Variants in PGLS observed in about 807,000 individuals in gnomAD.
PGLS encodes 6-phosphogluconolactonase.
A neutral mutation model predicts 23.2 loss-of-function variants in PGLS; 21 were observed. The observed-to-expected ratio is 0.91, with a 90% confidence interval of 0.64 to 1.31. The LOEUF (loss-of-function observed/expected upper bound fraction) is 1.31. Ranked by LOEUF, PGLS falls within the 50% of genes most tolerant of loss-of-function variation. The pLI is 0.00. For synonymous variants in PGLS, 179 were observed against 165.4 expected, an observed-to-expected ratio of 1.08 and a Z score of -0.63; for missense variants, 410 against 354.0, an observed-to-expected ratio of 1.16 and a Z score of -1.27.
Position 17,517,760 on chromosome 19 carries a change from A to G in PGLS, c.549A>G (p.Pro183=). ...APISDSPKPP[P]QRVTLTLPVL... ...TCAGTGACTCCCCGAAGCCACCGCCACAGCGTGTGACCCTCACACTACCTG... is the reference window on the plus strand; with the variant it reads ...TCAGTGACTCCCCGAAGCCACCGCCGCAGCGTGTGACCCTCACACTACCTG... The change falls in exon 4 of 5, where the codon CCA becomes CCG. Residue 183 remains proline (P), a synonymous_variant. Transcript: ENST00000252603. 1 of 1,614,116 alleles carries G rather than the reference A, an allele frequency of 6.2e-7. No individual in the cohort carries two copies. The highest frequency in any genetic ancestry group is 2.2e-5 in the East Asian group (1 of 44,882).
chr19:17,511,785 G>T lies in PGLS; in HGVS notation c.113G>T (p.Arg38Leu), dbSNP rs778753076. The change falls in exon 1 of 5, where the codon CGC becomes CTC. Residue 38 changes from arginine (R) to leucine (L), a missense_variant. Arg to Leu is a moderately radical substitution (Grantham distance 102, BLOSUM62 -2). Transcript: ENST00000252603. ...GCAGCATGCTGCCTGGCAGGGGCCC[G>T]CGCCCGTTTCGCGCTCGGCCTGTCG... is the stretch of plus-strand genomic sequence containing the variant. ...QRAACCLAGARARFALGLSGG... is the reference protein window; with the variant it reads ...QRAACCLAGALARFALGLSGG... The T allele has an allele frequency of 4.0e-6, 6 of 1,497,220 alleles. No individual in the cohort carries two copies. The highest frequency in any genetic ancestry group is 5.3e-6 in the Non-Finnish European group (6 of 1,129,984). 92.7% of individuals were successfully genotyped at this position (1,497,220 alleles called of 1,614,324 possible).
intron 1 of PGLS, among the ~76,000 whole-genome samples, chr19:17,514,328 T>C (rs962925806): frequency 6.6e-6 from 1 of 152,134 alleles, no homozygotes; most frequent in African/African-American, 2.4e-5. Flanking sequence ...TCATCTTATA[T>C]AAGGACGCCA....
intron 2 of PGLS, 55 bp downstream of exon 2, chr19:17,516,335 C>T (rs757279357): frequency 1.9e-5 from 30 of 1,573,030 alleles, no homozygotes; most frequent in Non-Finnish European, 2.4e-5. Flanking sequence ...GGCCACACCC[C>T]GGGCAACAGA....
chr19:17,516,582 T>C, intron 2 of PGLS: 2 of 970,796 alleles, frequency 2.1e-6, no homozygotes, highest in Non-Finnish European at 2.6e-6. Flanking sequence ...TACTTGTATT[T>C]CTTTTTTTTT....
At chr19:17,512,041 G>T (rs1401098925) in intron 1 of PGLS, 81 bp downstream of exon 1, 1 of 1,402,792 alleles carries the variant, frequency 7.1e-7, no homozygotes, top group Non-Finnish European at 9.4e-7. Flanking sequence ...AGGCCGCCGG[G>T]GGCCATGCCG....
Position 17,511,813 on chromosome 19 carries a change from C to A in PGLS, c.141C>A (p.Gly47=). Residue 47 remains glycine (G), a synonymous_variant, in exon 1 of 5, where the codon GGC becomes GGA. Coordinates refer to ENST00000252603, the MANE Select transcript of PGLS (RefSeq NM_012088.3). ...ARARFALGLS[G]GSLVSMLARE... The stretch of plus-strand genomic sequence containing the variant: ...CCCGTTTCGCGCTCGGCCTGTCGGG[C>A]GGGAGCCTCGTCTCGATGCTAGCCC... The A allele has an allele frequency of 6.6e-7, 1 of 1,510,904 alleles. No homozygotes were observed. Among genetic ancestry groups the A allele is most frequent in the Non-Finnish European group, 8.8e-7 (1 of 1,134,268 alleles). 93.6% of individuals were successfully genotyped at this position (1,510,904 alleles called of 1,614,324 possible).
At position 17,511,944 on chromosome 19, in the gene PGLS, C is replaced by G; in HGVS notation, c.272C>G (p.Thr91Arg). 1 of 1,550,074 alleles carries G rather than the reference C, an allele frequency of 6.5e-7. No individual in the cohort carries two copies. The highest frequency in any genetic ancestry group is 1.2e-5 in the South Asian group (1 of 84,346). ...RLVPFDHAES[T>R]YGLYRTHLLS... ...GTGCCCTTCGATCACGCCGAGAGCA[C>G]GTACGGCCTCTACCGGGTGAGAGCT... is the stretch of plus-strand genomic sequence containing the variant. The change falls in exon 1 of 5, where the codon ACG becomes AGG. Residue 91 changes from threonine to arginine, a missense_variant. Coordinates refer to ENST00000252603, the MANE Select transcript of PGLS (RefSeq NM_012088.3).
chr19:17,517,666 G>T, intron 3 of PGLS, 44 bp from the exon 4 acceptor site: 1 of 1,609,990 alleles, frequency 6.2e-7, no homozygotes, highest in East Asian at 2.2e-5. Flanking sequence ...AGAAGCTGAA[G>T]TGACATTGTC....
At chr19:17,512,024 G>T in intron 1 of PGLS, 64 bp downstream of exon 1, 1 of 1,454,774 alleles carries the variant, frequency 6.9e-7, no homozygotes, top group Non-Finnish European at 9.1e-7. Context: ...CTACACCCCG[G>T]CTACGGAGGC....
intron 4 of PGLS, among the ~76,000 whole-genome samples, chr19:17,519,406 G>A (rs2075547438): frequency 6.6e-6 from 1 of 151,648 alleles, no homozygotes; most frequent in African/African-American, 2.4e-5. Context: ...TGTTTTGTTT[G>A]TTTGTTTTTT....
chr19:17,520,084 T>C lies in PGLS; in HGVS notation c.640-860T>C, dbSNP rs574666253. ...AAGAGGATCACTTGAGCCTCAGAGA[T>C]TGAGGCTGCAGTGAGCCTTGATGCC... On this transcript the variant is annotated intron_variant, in intron 4 of 4. Transcript: ENST00000252603. 1.4e-3 allele frequency among the ~76,000 whole-genome samples: 213 copies of C among 152,202 alleles called. 1 individual carries two copies. The highest frequency in any genetic ancestry group is 4.8e-3 in the African/African-American group (201 of 41,538).
At chr19:17,515,563 C>T (rs1221722351) in intron 1 of PGLS, among the ~76,000 whole-genome samples, 1 of 152,130 alleles carries the variant, frequency 6.6e-6, no homozygotes, top group African/African-American at 2.4e-5. Flanking sequence ...GCCCCCACTC[C>T]CTGTAGTGGG....
chr19:17,516,802 T>C (rs1431328823), intron 2 of PGLS, among the ~76,000 whole-genome samples: 3 of 151,330 alleles, frequency 2.0e-5, no homozygotes, highest in Non-Finnish European at 4.4e-5. Flanking sequence ...TTAGCCAGGA[T>C]GGTCTCGATC....
At chr19:17,512,253 T>C in intron 1 of PGLS, 1 of 438,158 alleles carries the variant, frequency 2.3e-6, no homozygotes, top group African/African-American at 2.1e-5. Flanking sequence ...GCACCTCGAC[T>C]ACGGGGGCCG....
At chr19:17,516,796 C>G (rs1382462032) in intron 2 of PGLS, among the ~76,000 whole-genome samples, 8 of 150,958 alleles carry the variant, frequency 5.3e-5, no homozygotes, top group South Asian at 2.1e-4. Context: ...ACCATGTTAG[C>G]CAGGATGGTC....
intron 4 of PGLS, among the ~76,000 whole-genome samples, chr19:17,519,422 C>T (rs2144646290): frequency 6.6e-6 from 1 of 152,070 alleles, no homozygotes; most frequent in Middle Eastern, 3.4e-3. Context: ...TTTTTTGAGA[C>T]AGCTTCTCAC....
rs570991438 is a variant in PGLS, at chr19:17,520,895, C to T, written c.640-49C>T. 6.1e-5 allele frequency: 91 copies of T among 1,503,144 alleles called. No homozygotes were observed. The South Asian group carries it at 1.1e-3, about 19-fold the overall frequency. The allele number at this position is 1,503,144 out of a possible 1,614,324, so 93.1% of individuals were successfully genotyped here. ...GGGGAGCCAGGAGAGTGCCGAGGGG[C>T]GGTGCCTGGGCCGCAGGCAGGGCCT... On this transcript the variant is annotated intron_variant, in intron 4 of 4. Transcript: ENST00000252603.
chr19:17,517,552 A>C (rs1018243066), intron 3 of PGLS, among the ~76,000 whole-genome samples, 158 bp from the exon 4 acceptor site: 3 of 152,172 alleles, frequency 2.0e-5, no homozygotes, highest in African/African-American at 7.2e-5. Context: ...TTCAGGTCTC[A>C]GTTGAGCCCC....
rs142950040 is a variant in PGLS at position 17,515,573 on chromosome 19, G to A, written c.289-600G>A. 6.6e-3 allele frequency among the ~76,000 whole-genome samples: 999 copies of A among 152,290 alleles called. 11 individuals carry two copies. Among genetic ancestry groups the A allele is most frequent in the African/African-American group, 0.021 (891 of 41,566 alleles). ...GCCTGGCCCCCACTCCCTGTAGTGGGGCAGGTGCAGGCGGGGGTGGCTGCT... is the reference window on the plus strand; with the variant it reads ...GCCTGGCCCCCACTCCCTGTAGTGGAGCAGGTGCAGGCGGGGGTGGCTGCT... On this transcript the variant is annotated intron_variant, in intron 1 of 4. Transcript: ENST00000252603.
Sources: allele counts gnomAD v4.1 joint callset (sites outside exome capture counted in the v4.1 genomes callset), GRCh38; gene constraint gnomAD v4.1.1; transcripts MANE v1.5; gene names NCBI Gene and HGNC (gene_info 2026-07-23, HGNC 2026-07-21).